NELL2: variants seen among roughly 807,000 people sequenced by gnomAD.
NELL2 encodes protein kinase C-binding protein NELL2.
A neutral mutation model predicts 109.6 loss-of-function variants in NELL2; 41 were observed. The ratio of observed to expected loss-of-function variants is 0.37; its 90% CI spans 0.29 to 0.49. The LOEUF is 0.49. Ranked by LOEUF, NELL2 falls within the 20% of genes least tolerant of loss-of-function variation. The probability of loss-of-function intolerance (pLI) is 0.98; values close to 1 mark genes in which losing one functional copy is unlikely to be tolerated. For missense variants in NELL2, 900 were observed against 1,008.3 expected (o/e 0.89, Z 1.45); for synonymous variants, 355 against 344.7 (o/e 1.03, Z -0.33).
At chr12:44,796,847 C>G (rs1159503472) in intron 3 of NELL2, among the ~76,000 whole-genome samples, 1 of 151,890 alleles carries the variant, frequency 6.6e-6, no homozygotes, top group Non-Finnish European at 1.5e-5. Flanking sequence ...TATCTTATTA[C>G]CCTACATAAC....
At chr12:44,851,089 A>G (rs1319364259) in intron 2 of NELL2, among the ~76,000 whole-genome samples, 1 of 152,164 alleles carries the variant, frequency 6.6e-6, no homozygotes, top group African/African-American at 2.4e-5. Context: ...TATACATTTT[A>G]TATTAACCAA....
intron 18 of NELL2, among the ~76,000 whole-genome samples, chr12:44,521,024 T>C (rs1941501425): frequency 1.3e-5 from 2 of 152,208 alleles, no homozygotes; most frequent in South Asian, 4.1e-4. Context: ...ACTTTAAAAG[T>C]AGCATCTTCT....
chr12:44,531,856 C>T (rs905746023), intron 16 of NELL2, among the ~76,000 whole-genome samples: 2 of 152,156 alleles, frequency 1.3e-5, no homozygotes, highest in Non-Finnish European at 2.9e-5. Flanking sequence ...CTTCTGATGG[C>T]AAATTCTTTC....
Position 44,661,503 on chromosome 12 carries a change from C to T in NELL2, c.1444+3981G>A, listed in dbSNP as rs1448548716. On this transcript the variant is annotated intron_variant, in intron 13 of 19. Coordinates refer to ENST00000429094, the MANE Select transcript of NELL2 (RefSeq NM_001145108.2). ...TTGCAGACCTGTATGGATTCACCAC[C>T]GGTAACTCGAATGTCTTCCACCAGT... is the stretch of plus-strand genomic sequence containing the variant. Among the ~76,000 whole-genome samples the T allele has an allele frequency of 5.9e-5, 9 of 152,120 alleles. No individual in the cohort carries two copies. In the South Asian group the frequency reaches 8.3e-4, roughly 14 times the overall value.
intron 19 of NELL2, among the ~76,000 whole-genome samples, chr12:44,518,439 G>T (rs988952812): frequency 6.6e-6 from 1 of 151,970 alleles, no homozygotes; most frequent in Non-Finnish European, 1.5e-5. Context: ...TAGAGACGGG[G>T]TTTCACCGTG....
intron 15 of NELL2, among the ~76,000 whole-genome samples, chr12:44,558,744 C>A (rs921258736): frequency 1.3e-5 from 2 of 152,064 alleles, no homozygotes; most frequent in African/African-American, 4.8e-5. Flanking sequence ...CAAAACCGAG[C>A]GGTTGTTTGG....
chr12:44,527,065 C>G (rs1399316992), intron 16 of NELL2, among the ~76,000 whole-genome samples: 1 of 152,216 alleles, frequency 6.6e-6, no homozygotes, highest in Non-Finnish European at 1.5e-5. Context: ...ACTAGGTACT[C>G]TGAGAAGCCT....
chr12:44,597,999 T>C (rs940257929), intron 15 of NELL2, among the ~76,000 whole-genome samples: 1 of 152,188 alleles, frequency 6.6e-6, no homozygotes, highest in African/African-American at 2.4e-5. Context: ...ATCTTGATCC[T>C]GTCTTTTGTC....
At chr12:44,875,615 C>T in intron 1 of NELL2, 200 bp downstream of exon 1, 1 of 1,611,998 alleles carries the variant, frequency 6.2e-7, no homozygotes, top group Non-Finnish European at 8.5e-7. Context: ...CGACCCTGGA[C>T]TAGGGGCGTG....
chr12:44,716,015 G>A (rs2136444607), intron 9 of NELL2, among the ~76,000 whole-genome samples: 1 of 151,594 alleles, frequency 6.6e-6, no homozygotes, highest in East Asian at 1.9e-4. Flanking sequence ...GCCCACGATG[G>A]TCTCAAACTC....
intron 9 of NELL2, among the ~76,000 whole-genome samples, chr12:44,724,707 T>C (rs1938972622): frequency 6.6e-6 from 1 of 151,434 alleles, no homozygotes; most frequent in Admixed American, 6.6e-5. Context: ...TTCAGTGGTA[T>C]TCCTATAAAA....
At chr12:44,859,748 T>C (rs1001551360) in intron 2 of NELL2, among the ~76,000 whole-genome samples, 8 of 152,100 alleles carry the variant, frequency 5.3e-5, no homozygotes, top group African/African-American at 1.7e-4. Context: ...CAAAGAAAGA[T>C]AGAAACTCTT....
chr12:44,806,679 C>T (rs1943012086), intron 3 of NELL2, among the ~76,000 whole-genome samples: 1 of 151,770 alleles, frequency 6.6e-6, no homozygotes, highest in Admixed American at 6.6e-5. Flanking sequence ...ATACTGATTA[C>T]TATACATTTT....
intron 9 of NELL2, among the ~76,000 whole-genome samples, chr12:44,745,287 G>T (rs905288517): frequency 6.6e-6 from 1 of 152,100 alleles, no homozygotes; most frequent in Non-Finnish European, 1.5e-5. Flanking sequence ...ATTAGATATT[G>T]ATGGGACGTA....
intron 2 of NELL2, among the ~76,000 whole-genome samples, chr12:44,870,994 T>C (rs2710424): frequency 0.076 from 11,629 of 152,170 alleles, 782 homozygotes; most frequent in East Asian, 0.23. Flanking sequence ...GTAACCTGGT[T>C]CCTGCTTTCC....
chr12:44,799,253 C>T (rs1260442312), intron 3 of NELL2, among the ~76,000 whole-genome samples: 5 of 151,952 alleles, frequency 3.3e-5, no homozygotes, highest in South Asian at 2.1e-4. Context: ...ACACCGTGCC[C>T]GGCCCGATTT....
At chr12:44,846,973 T>C (rs1944390604) in intron 2 of NELL2, among the ~76,000 whole-genome samples, 1 of 152,246 alleles carries the variant, frequency 6.6e-6, no homozygotes, top group South Asian at 2.1e-4. Flanking sequence ...CTTCTGAAAG[T>C]GGCTTTTTAA....
At chr12:44,898,899 A>C (rs1945626080) in intron 1 of NELL2, among the ~76,000 whole-genome samples, 1 of 152,194 alleles carries the variant, frequency 6.6e-6, no homozygotes, top group Admixed American at 6.5e-5. Flanking sequence ...TAAGCAGTTG[A>C]GAGAAGAACA....
intron 15 of NELL2, among the ~76,000 whole-genome samples, chr12:44,545,161 A>C (rs1942741747): frequency 6.6e-6 from 1 of 152,118 alleles, no homozygotes; most frequent in African/African-American, 2.4e-5. Context: ...CTGATACATG[A>C]ATGAGTTGAA....
Sources: allele counts gnomAD v4.1 joint callset (sites outside exome capture counted in the v4.1 genomes callset), GRCh38; gene constraint gnomAD v4.1.1; transcripts MANE v1.5; gene names NCBI Gene and HGNC (gene_info 2026-07-23, HGNC 2026-07-21).